Variants in C9orf50 observed in about 807,000 individuals in gnomAD.
C9orf50 encodes the protein chromosome 9 open reading frame 50, also known as uncharacterized protein C9orf50.
In C9orf50, 33 loss-of-function variants were observed where a neutral mutation model predicts 42.5. The ratio of observed to expected loss-of-function variants is 0.78; its 90% CI spans 0.59 to 1.04. The LOEUF is 1.04. C9orf50 is among the 50% of genes least tolerant of loss of function. The pLI, the probability that C9orf50 is intolerant of heterozygous loss-of-function variation, is 0.00. For missense variants in C9orf50, 547 were observed against 594.3 expected (o/e 0.92, Z 0.83); for synonymous variants, 257 against 273.4 (o/e 0.94, Z 0.59).
chr9:129,620,200 C>T lies in C9orf50; in HGVS notation c.375G>A (p.Glu125=). Residue 125 remains glutamate (E), a synonymous_variant, in exon 1 of 7, where the codon GAG becomes GAA. Transcript: ENST00000372478. The surrounding 1 kb of genome is among the most constrained non-coding windows in gnomAD (Gnocchi z 5.8). Reference sequence around the variant, plus strand: ...CCCTGGCCACGCGCCTCCGGGGGCGCTCGCGCTCTCCAGGCCCTGGCTGCC... The same window carrying T: ...CCCTGGCCACGCGCCTCCGGGGGCGTTCGCGCTCTCCAGGCCCTGGCTGCC... 1 of 1,447,368 alleles carries T rather than the reference C, an allele frequency of 6.9e-7. No individual in the cohort carries two copies. The highest frequency in any genetic ancestry group is 1.5e-5 in the South Asian group (1 of 68,832). The allele number at this position is 1,447,368 out of a possible 1,614,324, so 89.7% of individuals were successfully genotyped here. A position where few individuals can be genotyped will look rare whatever the true frequency, so the allele number is the denominator to read the frequency against.
Position 129,619,543 on chromosome 9 carries a change from G to C in C9orf50, c.693C>G (p.Phe231Leu), listed in dbSNP as rs757546749. The C allele has an allele frequency of 5.6e-6, 9 of 1,613,986 alleles. No individual in the cohort carries two copies. The South Asian group carries it at 9.9e-5, about 18-fold the overall frequency. The stretch of plus-strand genomic sequence containing the variant: ...ACTGGTTGGCCTTTCTGACAGTGGT[G>C]AATTGTGAGTGATCACCCTTCAGGG... Residue 231 changes from phenylalanine (F) to leucine (L), a missense_variant, in exon 3 of 7, where the codon TTC (phenylalanine) becomes TTG (leucine). Coordinates refer to ENST00000372478, the Ensembl canonical transcript of C9orf50.
chr9:129,620,766 A>C lies in C9orf50; in HGVS notation c.-192T>G. The C allele has an allele frequency of 8.7e-6, 4 of 460,060 alleles. No individual in the cohort carries two copies. Among genetic ancestry groups the C allele is most frequent in the Non-Finnish European group, 1.4e-5 (4 of 284,134 alleles). 28.5% of individuals were successfully genotyped at this position (460,060 alleles called of 1,614,324 possible). On this transcript the variant is annotated 5_prime_UTR_variant, in exon 1 of 7. An upstream open reading frame in the 5' UTR loses its in-frame stop. Transcript: ENST00000372478. The surrounding 1 kb of genome is among the most constrained non-coding windows in gnomAD (Gnocchi z 5.8). ...GAGCTCCCAGAGCCTCTGTTTCCTC[A>C]CCTGAAAAATGGTGACAGCAAGAGT... is the stretch of plus-strand genomic sequence containing the variant.
chr9:129,618,620 ATGGT>A (rs111684680), intron 3 of C9orf50, among the ~76,000 whole-genome samples: 2,771 of 152,260 alleles, frequency 0.018, 73 homozygotes, highest in East Asian at 0.064. Context: ...GGATTTGTAG[ATGGT>A]TGGTCATTGG....
rs146176082 is a variant in C9orf50 at position 129,613,587 on chromosome 9, G to A, written c.891C>T (p.Ser297=). 2.5e-6 allele frequency: 4 copies of A among 1,614,080 alleles called. No individual in the cohort carries two copies. Among genetic ancestry groups the A allele is most frequent in the East Asian group, 2.2e-5 (1 of 44,870 alleles). Residue 297 remains serine (S), a synonymous_variant, in exon 5 of 7, where the codon AGC becomes AGT. Coordinates refer to ENST00000372478, the Ensembl canonical transcript of C9orf50. The surrounding 1 kb of genome is among the most constrained non-coding windows in gnomAD (Gnocchi z 6.2). ...GGGCGGCCTTCTGGTTCACAATGAC[G>A]CTCTGTTGGACTGCAGGAAAGAGGG... is the stretch of plus-strand genomic sequence containing the variant.
rs771692996 is a variant in C9orf50, at chr9:129,619,720, A to T, written c.599+20T>A. On this transcript the variant is annotated intron_variant, in intron 2 of 6. Transcript: ENST00000372478. The stretch of plus-strand genomic sequence containing the variant: ...ATCGATGGCAACCCCGTCCCCACCA[A>T]GAAGCGGACTGACGCTTACCACAGG... 2.2e-5 allele frequency: 36 copies of T among 1,613,596 alleles called. No individual in the cohort carries two copies. The South Asian group carries it at 3.8e-4, about 17-fold the overall frequency.
chr9:129,619,458 GAA>G, intron 3 of C9orf50, 60 bp downstream of exon 3: 2 of 1,197,638 alleles, frequency 1.7e-6, no homozygotes, highest in Non-Finnish European at 2.4e-6. Flanking sequence ...AAAGAGGAAA[GAA>G]AGAAGGAAAG....
intron 4 of C9orf50, 115 bp downstream of exon 4, chr9:129,615,369 A>T: frequency 8.8e-7 from 1 of 1,130,998 alleles, no homozygotes; most frequent in Non-Finnish European, 1.2e-6. Flanking sequence ...AGGATCACTG[A>T]TCTCTTGGCC....
intron 3 of C9orf50, among the ~76,000 whole-genome samples, chr9:129,618,631 T>C (rs981126887): frequency 3.9e-5 from 6 of 152,164 alleles, no homozygotes; most frequent in Admixed American, 6.5e-5. Context: ...TGGTTGGTCA[T>C]TGGATCAATG....
chr9:129,619,906 G>T (rs1830590861), intron 1 of C9orf50, 76 bp from the exon 2 acceptor site: 2 of 1,536,078 alleles, frequency 1.3e-6, no homozygotes, highest in African/African-American at 1.4e-5. Context: ...CGGGGTGATG[G>T]CAGACCAGCC....
Position 129,620,055 on chromosome 9 carries a change from G to C in C9orf50, c.508+12C>G. 1 of 1,447,998 alleles carries C rather than the reference G, an allele frequency of 6.9e-7. No individual in the cohort carries two copies. Among genetic ancestry groups the C allele is most frequent in the African/African-American group, 1.5e-5 (1 of 68,178 alleles). 89.7% of individuals were successfully genotyped at this position (1,447,998 alleles called of 1,614,324 possible). ...GACTCGGGCCCGCCCCCCGGGCCCC[G>C]CGGGGCCTCACTCAGTGGCTCCGGC... On this transcript the variant is annotated intron_variant, in intron 1 of 6. Coordinates refer to ENST00000372478, the Ensembl canonical transcript of C9orf50. The surrounding 1 kb of genome is among the most constrained non-coding windows in gnomAD (Gnocchi z 5.8).
exon 4 of C9orf50, chr9:129,615,579 G>C (rs1172067332): frequency 6.2e-7 from 1 of 1,608,032 alleles, no homozygotes; most frequent in African/African-American, 1.3e-5. Flanking sequence ...GCAGGGCCTA[G>C]AGCCTTCCCC....
Position 129,619,727 on chromosome 9 carries a change from G to T in C9orf50, c.599+13C>A. On this transcript the variant is annotated intron_variant, in intron 2 of 6. Transcript: ENST00000372478. ...GCAACCCCGTCCCCACCAAGAAGCG[G>T]ACTGACGCTTACCACAGGTCTGGGA... is the stretch of plus-strand genomic sequence containing the variant. The T allele has an allele frequency of 6.2e-7, 1 of 1,613,780 alleles. No homozygotes were observed. Among genetic ancestry groups the T allele is most frequent in the South Asian group, 1.1e-5 (1 of 91,050 alleles).
intron 4 of C9orf50, 138 bp downstream of exon 4, chr9:129,615,346 G>T: frequency 1.0e-6 from 1 of 953,156 alleles, no homozygotes. Flanking sequence ...GCCAGTTCAG[G>T]CACATCCTCT....
intron 3 of C9orf50, among the ~76,000 whole-genome samples, chr9:129,617,346 C>T (rs1290520645): frequency 6.6e-6 from 1 of 152,204 alleles, no homozygotes; most frequent in Non-Finnish European, 1.5e-5. Flanking sequence ...GCTCAGGAAC[C>T]CCTGCTCTCT....
rs1422761018 is a variant in C9orf50, at chr9:129,614,009, G to T, written c.881-412C>A. 2.0e-5 allele frequency among the ~76,000 whole-genome samples: 3 copies of T among 152,298 alleles called. No homozygotes were observed. The highest frequency in any genetic ancestry group is 2.1e-4 in the South Asian group (1 of 4,832). On this transcript the variant is annotated intron_variant, in intron 4 of 6. Coordinates refer to ENST00000372478, the Ensembl canonical transcript of C9orf50. The surrounding 1 kb of genome is among the most constrained non-coding windows in gnomAD (Gnocchi z 4.4). ...AAGGACCCTGAGTTCCCCAATGGCT[G>T]CCCCAGGATGGAAAGGGCTGGGAAG...
chr9:129,619,754 G>T lies in C9orf50; in HGVS notation c.585C>A (p.Phe195Leu). Residue 195 changes from phenylalanine to leucine, a missense_variant, in exon 2 of 7, where the codon TTC (phenylalanine) becomes TTA (leucine). Physicochemically the swap from Phe to Leu is conservative, Grantham distance 22. Coordinates refer to ENST00000372478, the Ensembl canonical transcript of C9orf50. The stretch of plus-strand genomic sequence containing the variant: ...CTGACGCTTACCACAGGTCTGGGAG[G>T]AATGAACAGTTGGGACACCGCGGAG... The T allele has an allele frequency of 1.9e-6, 3 of 1,614,078 alleles. No homozygotes were observed. The East Asian group carries it at 6.7e-5, about 36-fold the overall frequency.
intron 3 of C9orf50, among the ~76,000 whole-genome samples, chr9:129,616,174 T>G (rs1301769215): frequency 6.6e-6 from 1 of 152,196 alleles, no homozygotes; most frequent in African/African-American, 2.4e-5. Context: ...GCCCAGGGTC[T>G]GCAGGACCCA....
At chr9:129,618,163 C>T (rs1273207472) in intron 3 of C9orf50, among the ~76,000 whole-genome samples, 1 of 152,190 alleles carries the variant, frequency 6.6e-6, no homozygotes, top group Non-Finnish European at 1.5e-5. Flanking sequence ...TCTTTAAACT[C>T]ATGGGCAGTG....
At chr9:129,617,301 A>G (rs1313328131) in intron 3 of C9orf50, among the ~76,000 whole-genome samples, 1 of 152,224 alleles carries the variant, frequency 6.6e-6, no homozygotes, top group Non-Finnish European at 1.5e-5. Flanking sequence ...GTGCCTGGCT[A>G]CATGCCTTGG....
Sources: gnomAD v4.1 joint callset for allele counts (sites outside exome capture counted in the v4.1 genomes callset) on GRCh38, gnomAD v4.1.1 for gene constraint, Gnocchi (gnomAD v3.1) non-coding constraint, MANE v1.5 for transcripts, NCBI Gene and HGNC (gene_info 2026-07-23, HGNC 2026-07-21) for gene names.